The following CEP85L variants were observed in gnomAD, a reference collection of about 807,000 sequenced individuals.
CEP85L encodes the protein centrosomal protein 85L.
CEP85L carries 60 observed loss-of-function variants against 100.3 expected under a neutral mutation model. That is an observed-to-expected ratio of 0.60 (90% CI 0.49 to 0.74). The LOEUF is 0.74. Among genes scored for constraint, CEP85L ranks in the 30% least tolerant of loss-of-function variants. The probability of loss-of-function intolerance (pLI) is 0.00; values close to 1 mark genes in which losing one functional copy is unlikely to be tolerated. For missense variants in CEP85L, 973 were observed against 936.2 expected, an observed-to-expected ratio of 1.04 and a Z score of -0.51; for synonymous variants, 319 against 322.7, an observed-to-expected ratio of 0.99 and a Z score of 0.12.
chr6:118,575,733 A>C (rs185937329), intron 2 of CEP85L, among the ~76,000 whole-genome samples: 2 of 152,302 alleles, frequency 1.3e-5, no homozygotes. Context: ...TATGTGATGC[A>C]GTCCTTAGAG....
At chr6:118,555,501 AT>A (rs1438639224) in intron 3 of CEP85L, among the ~76,000 whole-genome samples, 1 of 151,982 alleles carries the variant, frequency 6.6e-6, no homozygotes, top group African/African-American at 2.4e-5. Flanking sequence ...TAGATCTACA[AT>A]AAGCAAATAT....
intron 2 of CEP85L, among the ~76,000 whole-genome samples, chr6:118,593,111 A>G (rs2115131513): frequency 6.6e-6 from 1 of 152,312 alleles, no homozygotes; most frequent in South Asian, 2.1e-4. Context: ...AAAGAGACAG[A>G]GCCCCTGGGA....
intron 5 of CEP85L, among the ~76,000 whole-genome samples, chr6:118,508,703 T>A (rs1186581468): frequency 6.6e-6 from 1 of 152,136 alleles, no homozygotes; most frequent in Non-Finnish European, 1.5e-5. Flanking sequence ...ATGTTACTTT[T>A]ATTTTACTGA....
Position 118,566,229 on chromosome 6 carries a change from G to C in CEP85L, c.320C>G (p.Ser107Cys), listed in dbSNP as rs774678887. Reference protein sequence around the residue: ...LPTAHVMPSNSSASISKLRES... With the variant: ...LPTAHVMPSNCSASISKLRES... ...CCTAAGTTTGGAAATTGAAGCGCTGGAATTAGACGGCATCACATGGGCAGT... is the reference window on the plus strand; with the variant it reads ...CCTAAGTTTGGAAATTGAAGCGCTGCAATTAGACGGCATCACATGGGCAGT... Residue 107 changes from serine (S) to cysteine (C), a missense_variant, in exon 3 of 13, where the codon TCC (serine) becomes TGC (cysteine). By Grantham distance (112) the Ser-to-Cys change is moderately radical (BLOSUM62 -1). Coordinates refer to ENST00000368491, the MANE Select transcript of CEP85L (RefSeq NM_001042475.3). 7 of 1,614,084 alleles carry C rather than the reference G, an allele frequency of 4.3e-6. No homozygotes were observed. In the South Asian group the frequency reaches 6.6e-5, roughly 15 times the overall value.
intron 2 of CEP85L, among the ~76,000 whole-genome samples, chr6:118,572,856 G>T (rs1779987980): frequency 6.6e-6 from 1 of 151,706 alleles, no homozygotes; most frequent in African/African-American, 2.4e-5. Context: ...GAGGTCAGGA[G>T]TTAGAGACCA....
At chr6:118,605,717 AAG>A (rs1469998148) in intron 2 of CEP85L, among the ~76,000 whole-genome samples, 1 of 123,104 alleles carries the variant, frequency 8.1e-6, no homozygotes, top group Non-Finnish European at 1.8e-5. Context: ...TGTGTGCATT[AAG>A]AGTGGAAAGA....
chr6:118,593,382 A>G lies in CEP85L; in HGVS notation c.233-27066T>C, dbSNP rs531103484. On this transcript the variant is annotated intron_variant, in intron 2 of 12. Transcript: ENST00000368491. ...AATTTAAAAAAAAAAAAAGAAAAGA[A>G]AAGAAATATCGAGCCTGAGGTTTTT... is the stretch of plus-strand genomic sequence containing the variant. Among the ~76,000 whole-genome samples the G allele has an allele frequency of 6.9e-4, 105 of 152,150 alleles. No homozygotes were observed. The Middle Eastern group carries it at 0.017, about 25-fold the overall frequency.
intron 1 of CEP85L, among the ~76,000 whole-genome samples, chr6:118,678,363 C>G (rs1233529755): frequency 2.0e-5 from 3 of 152,152 alleles, no homozygotes; most frequent in Non-Finnish European, 4.4e-5. Flanking sequence ...GGTAATGCTA[C>G]AATTTGAGGG....
chr6:118,490,140 T>C (rs1774459459), intron 6 of CEP85L, among the ~76,000 whole-genome samples: 1 of 152,088 alleles, frequency 6.6e-6, no homozygotes, highest in African/African-American at 2.4e-5. Context: ...TAATTCCACT[T>C]ATATGAGATA....
At chr6:118,596,823 T>C (rs1781480161) in intron 2 of CEP85L, among the ~76,000 whole-genome samples, 1 of 152,192 alleles carries the variant, frequency 6.6e-6, no homozygotes. Context: ...TTACTATTCC[T>C]TCTTATTTTT....
chr6:118,565,727 A>T lies in CEP85L; in HGVS notation c.822T>A (p.Pro274=). Residue 274 remains proline (P), a synonymous_variant, in exon 3 of 13, where the codon CCT becomes CCA. Coordinates refer to ENST00000368491, the MANE Select transcript of CEP85L (RefSeq NM_001042475.3). ...PIMTSSEAFE[P]PKYLMLGQQA... is the part of the protein sequence containing the mutation. ...GTTGACCAAGCATTAAATATTTTGG[A>T]GGTTCAAAAGCCTCTGAGCTTGTCA... 2.5e-6 allele frequency: 4 copies of T among 1,614,098 alleles called. No individual in the cohort carries two copies. Among genetic ancestry groups the T allele is most frequent in the Non-Finnish European group, 3.4e-6 (4 of 1,179,994 alleles).
chr6:118,594,971 C>T (rs894340418), intron 2 of CEP85L, among the ~76,000 whole-genome samples: 2 of 151,712 alleles, frequency 1.3e-5, no homozygotes, highest in Non-Finnish European at 2.9e-5. Context: ...GAGAGAAAGA[C>T]TGTCCTGAGG....
At chr6:118,608,312 G>C (rs934112013) in intron 2 of CEP85L, among the ~76,000 whole-genome samples, 1 of 152,012 alleles carries the variant, frequency 6.6e-6, no homozygotes, top group Admixed American at 6.6e-5. Context: ...TGGCTAACAC[G>C]GTGAAACCCC....
At chr6:118,515,848 T>G (rs1474835920) in intron 4 of CEP85L, among the ~76,000 whole-genome samples, 1 of 152,194 alleles carries the variant, frequency 6.6e-6, no homozygotes, top group Non-Finnish European at 1.5e-5. Flanking sequence ...GGTGGTTTGC[T>G]GCACCCACAT....
At position 118,567,835 on chromosome 6, in the gene CEP85L, G is replaced by A. The variant is rs114766828; in HGVS notation, c.233-1519C>T. On this transcript the variant is annotated intron_variant, in intron 2 of 12. Transcript: ENST00000368491. ...TCTTTGCACAGAATGTGTTAACTTG[G>A]ACATGAAAAGGGAAAAACATTACAA... 3.7e-3 allele frequency among the ~76,000 whole-genome samples: 562 copies of A among 152,212 alleles called. 3 individuals are homozygous for A. The highest frequency in any genetic ancestry group is 0.013 in the African/African-American group (537 of 41,522).
intron 3 of CEP85L, among the ~76,000 whole-genome samples, chr6:118,563,267 A>C (rs1463375627): frequency 6.6e-6 from 1 of 152,198 alleles, no homozygotes; most frequent in African/African-American, 2.4e-5. Context: ...TCAAGGAACA[A>C]CACACACATA....
chr6:118,541,367 A>G (rs942890251), intron 3 of CEP85L, among the ~76,000 whole-genome samples: 1 of 152,244 alleles, frequency 6.6e-6, no homozygotes, highest in African/African-American at 2.4e-5. Flanking sequence ...AAAACCATGT[A>G]TAACTCTCAG....
chr6:118,598,500 A>C (rs1193203153), intron 2 of CEP85L, among the ~76,000 whole-genome samples: 1 of 152,188 alleles, frequency 6.6e-6, no homozygotes, highest in African/African-American at 2.4e-5. Flanking sequence ...TGGTATCCCT[A>C]TATGGAGAGA....
chr6:118,508,857 A>T (rs746906258), intron 5 of CEP85L, among the ~76,000 whole-genome samples: 2 of 152,076 alleles, frequency 1.3e-5, no homozygotes, highest in Non-Finnish European at 2.9e-5. Flanking sequence ...AAAAAATTAC[A>T]TCATTCAAAG....
Sources: gnomAD v4.1 joint callset for allele counts (sites outside exome capture counted in the v4.1 genomes callset) on GRCh38, gnomAD v4.1.1 for gene constraint, MANE v1.5 for transcripts, NCBI Gene and HGNC (gene_info 2026-07-23, HGNC 2026-07-21) for gene names.